ROBO2: variants seen among roughly 807,000 people sequenced by gnomAD.
ROBO2 encodes the protein roundabout homolog 2.
Under a neutral mutation model 160.8 loss-of-function variants are expected in ROBO2, and 53 were observed. The observed-to-expected ratio is 0.33, with a 90% CI of 0.26 to 0.41. ROBO2 has a LOEUF of 0.41. Among genes scored for constraint, ROBO2 ranks in the 10% least tolerant of loss-of-function variants. ROBO2 has a pLI of 1.00. For synonymous variants in ROBO2, 664 were observed against 611.7 expected, an observed-to-expected ratio of 1.09 and a Z score of -1.26; for missense variants, 1,577 against 1,722.4, an observed-to-expected ratio of 0.92 and a Z score of 1.49.
Position 76,392,134 on chromosome 3 carries a change from T to C in ROBO2, c.109+454532T>C, listed in dbSNP as rs192513068. Among the ~76,000 whole-genome samples, 3 of 152,358 alleles carry C rather than the reference T, an allele frequency of 2.0e-5. No individual in the cohort carries two copies. In the East Asian group the frequency reaches 5.8e-4, roughly 29 times the overall value. Reference sequence around the variant, plus strand: ...GATTTTCTTTTTCTGTATATATTTATGCCTAATTATGAAGAATATCCTTGG... The same window carrying C: ...GATTTTCTTTTTCTGTATATATTTACGCCTAATTATGAAGAATATCCTTGG... On this transcript the variant is annotated intron_variant, in intron 2 of 26. Transcript: ENST00000487694.
intron 2 of ROBO2, among the ~76,000 whole-genome samples, chr3:77,440,804 A>G (rs1322213325): frequency 6.6e-6 from 1 of 152,052 alleles, no homozygotes; most frequent in Admixed American, 6.6e-5. Flanking sequence ...TTCTTTTTCC[A>G]TTTACACCAT....
At chr3:76,947,976 C>T (rs924411998) in intron 2 of ROBO2, among the ~76,000 whole-genome samples, 5 of 152,108 alleles carry the variant, frequency 3.3e-5, no homozygotes, top group Non-Finnish European at 7.3e-5. Flanking sequence ...CATCTCAGAA[C>T]GTCTGAATAG....
At chr3:77,251,699 G>A (rs528911708) in intron 2 of ROBO2, among the ~76,000 whole-genome samples, 51 of 152,168 alleles carry the variant, frequency 3.4e-4, no homozygotes, top group Non-Finnish European at 5.0e-4. Flanking sequence ...GAATCACGGG[G>A]GCGGTCTCCC....
At chr3:77,597,228 CAATT>C (rs1455376721) in intron 19 of ROBO2, among the ~76,000 whole-genome samples, 8 of 151,740 alleles carry the variant, frequency 5.3e-5, no homozygotes, top group East Asian at 1.9e-4. Flanking sequence ...AAGAAATAGA[CAATT>C]AAGTCAATAT....
chr3:76,320,564 C>A (rs557686868), intron 2 of ROBO2, among the ~76,000 whole-genome samples: 1 of 152,232 alleles, frequency 6.6e-6, no homozygotes, highest in African/African-American at 2.4e-5. Context: ...CTGGAGACAG[C>A]GGCATTTTGT....
intron 2 of ROBO2, among the ~76,000 whole-genome samples, chr3:76,610,745 ATGT>A (rs2088042340): frequency 6.6e-6 from 1 of 151,188 alleles, no homozygotes; most frequent in Non-Finnish European, 1.5e-5. Flanking sequence ...GAGCAGGAGC[ATGT>A]CACAGCTCTC....
At chr3:77,539,043 G>C (rs550330845) in intron 6 of ROBO2, among the ~76,000 whole-genome samples, 17 of 152,182 alleles carry the variant, frequency 1.1e-4, no homozygotes, top group Admixed American at 1.3e-4. Flanking sequence ...TCAGCCTCCT[G>C]AGGAGCCGGG....
intron 2 of ROBO2, among the ~76,000 whole-genome samples, chr3:76,195,018 A>AG (rs1425224077): frequency 6.6e-6 from 1 of 151,484 alleles, no homozygotes; most frequent in African/African-American, 2.4e-5. Flanking sequence ...TCAGTTTGTC[A>AG]GTTTTTTTTC....
intron 2 of ROBO2, among the ~76,000 whole-genome samples, chr3:77,421,128 C>T (rs868602859): frequency 1.3e-5 from 2 of 152,068 alleles, no homozygotes; most frequent in East Asian, 3.9e-4. Flanking sequence ...AGTTTGGGCA[C>T]GCTCTTTAAT....
chr3:76,051,713 T>C (rs2067659164), intron 2 of ROBO2, among the ~76,000 whole-genome samples: 1 of 152,138 alleles, frequency 6.6e-6, no homozygotes, highest in Non-Finnish European at 1.5e-5. Context: ...CAGGTTCACG[T>C]ATACTACATA....
At chr3:76,424,370 G>C (rs1381293558) in intron 2 of ROBO2, among the ~76,000 whole-genome samples, 1 of 152,002 alleles carries the variant, frequency 6.6e-6, no homozygotes, top group Admixed American at 6.6e-5. Context: ...ATTGTATTTA[G>C]TATATTACAA....
chr3:76,794,058 A>T (rs1483855488), intron 2 of ROBO2, among the ~76,000 whole-genome samples: 1 of 151,858 alleles, frequency 6.6e-6, no homozygotes, highest in Non-Finnish European at 1.5e-5. Flanking sequence ...TTTGGTTCTA[A>T]TGCCTTGAAT....
chr3:76,622,933 T>C (rs192141799), intron 2 of ROBO2, among the ~76,000 whole-genome samples: 4 of 152,200 alleles, frequency 2.6e-5, no homozygotes, highest in African/African-American at 9.6e-5. Flanking sequence ...GCTTCCCCGA[T>C]GTGAGAGCCT....
chr3:77,546,558 T>C lies in ROBO2; in HGVS notation c.1059+96T>C, dbSNP rs1431693346. The C allele has an allele frequency of 2.8e-6, 4 of 1,451,530 alleles. No individual in the cohort carries two copies. The African/African-American group carries it at 4.2e-5, about 15-fold the overall frequency. 89.9% of individuals were successfully genotyped at this position (1,451,530 alleles called of 1,614,324 possible). The stretch of plus-strand genomic sequence containing the variant: ...GCCTTGCTTCTCTTGTTCTCAATGT[T>C]TGAATTTATTTTATTTCTGAAAAAG... On this transcript the variant is annotated intron_variant, in intron 7 of 25. Transcript: ENST00000461745.
chr3:76,060,283 C>A lies in ROBO2; in HGVS notation c.109+122681C>A, dbSNP rs569114864. 9.4e-4 allele frequency among the ~76,000 whole-genome samples: 126 copies of A among 134,402 alleles called. 2 individuals are homozygous for A. In the South Asian group the frequency reaches 0.011, roughly 12 times the overall value. The allele number at this position is 134,402 out of a possible 152,430, so 88.2% of individuals were successfully genotyped here. ...ATTAAAAAGCATTTTCACACAGAGA[C>A]CTGATTTTTGTGTACATCAGAATAG... On this transcript the variant is annotated intron_variant, in intron 2 of 26. Transcript: ENST00000487694.
intron 2 of ROBO2, among the ~76,000 whole-genome samples, chr3:76,306,064 G>A (rs2071329354): frequency 6.6e-6 from 1 of 152,084 alleles, no homozygotes; most frequent in South Asian, 2.1e-4. Flanking sequence ...GCCACAAAAT[G>A]TCTTCAGACA....
intron 2 of ROBO2, among the ~76,000 whole-genome samples, chr3:77,224,707 A>G (rs2086264471): frequency 6.6e-6 from 1 of 151,786 alleles, no homozygotes; most frequent in Non-Finnish European, 1.5e-5. Context: ...AAATGACTTT[A>G]TTTACTAGCT....
intron 2 of ROBO2, among the ~76,000 whole-genome samples, chr3:77,241,511 T>G (rs966497124): frequency 1.3e-5 from 2 of 152,238 alleles, no homozygotes; most frequent in African/African-American, 4.8e-5. Context: ...ATAACACTAT[T>G]GTCAATAAAA....
At chr3:77,040,615 G>A (rs967455135) in exon 1 of ROBO2, 6 of 1,475,014 alleles carry the variant, frequency 4.1e-6, no homozygotes, top group African/African-American at 1.4e-5. Flanking sequence ...TGCCCCGTTC[G>A]AGACCTCTCC....
Sources: gnomAD v4.1 joint callset for allele counts (sites outside exome capture counted in the v4.1 genomes callset) on GRCh38, gnomAD v4.1.1 for gene constraint, MANE v1.5 for transcripts, NCBI Gene and HGNC (gene_info 2026-07-23, HGNC 2026-07-21) for gene names.